The following PRKN variants were observed in gnomAD, a reference collection of about 807,000 sequenced individuals.
PRKN encodes the protein E3 ubiquitin-protein ligase parkin.
PRKN carries 56 observed loss-of-function variants against 59.5 expected under a neutral mutation model. The observed-to-expected ratio is 0.94, with a 90% CI of 0.76 to 1.18. The LOEUF is 1.18. Ranked by LOEUF, PRKN falls within the 50% of genes most tolerant of loss-of-function variation. The pLI is 0.00. For missense variants in PRKN, 657 were observed against 596.4 expected, an observed-to-expected ratio of 1.10 and a Z score of -1.06; for synonymous variants, 250 against 222.1, an observed-to-expected ratio of 1.13 and a Z score of -1.12.
chr6:162,709,896 T>C (rs753833008), intron 1 of PRKN, among the ~76,000 whole-genome samples: 4 of 62,138 alleles, frequency 6.4e-5, no homozygotes, highest in Admixed American at 5.0e-4. Flanking sequence ...AGGTGGACAG[T>C]GGGGTGTGGT....
intron 6 of PRKN, among the ~76,000 whole-genome samples, chr6:161,962,293 G>A (rs1780409769): frequency 6.6e-6 from 1 of 152,066 alleles, no homozygotes; most frequent in African/African-American, 2.4e-5. Flanking sequence ...GATATGAACT[G>A]GCACAAACAT....
At chr6:162,721,804 TA>T (rs1447704034) in intron 1 of PRKN, among the ~76,000 whole-genome samples, 1 of 152,098 alleles carries the variant, frequency 6.6e-6, no homozygotes, top group Non-Finnish European at 1.5e-5. Flanking sequence ...TGCCTCACAC[TA>T]AAAAGAGGGT....
At chr6:162,683,265 G>C (rs936232508) in intron 1 of PRKN, among the ~76,000 whole-genome samples, 3 of 152,096 alleles carry the variant, frequency 2.0e-5, no homozygotes, top group African/African-American at 7.2e-5. Flanking sequence ...TCAAACTTTA[G>C]TTCCTCAGTC....
At chr6:161,750,126 C>T (rs1198120400) in intron 7 of PRKN, among the ~76,000 whole-genome samples, 9 of 133,148 alleles carry the variant, frequency 6.8e-5, no homozygotes, top group South Asian at 5.1e-4. Context: ...TATACACACA[C>T]ACACACACAC....
rs1186399420 is a variant in PRKN, at chr6:161,734,001, CACACAT to C, written c.871+51765_871+51770del. Among the ~76,000 whole-genome samples, 374 of 84,134 alleles carry C rather than the reference CACACAT, an allele frequency of 4.4e-3. 7 individuals are homozygous for C. The highest frequency in any genetic ancestry group is 0.021 in the African/African-American group (312 of 15,020). The allele number at this position is 84,134 out of a possible 152,430, so 55.2% of individuals were successfully genotyped here. On this transcript the variant is annotated intron_variant, in intron 7 of 11. Transcript: ENST00000366898. ...ACACACACACACACACACACACACA[CACACAT>C]ATTTGCTAATGGAAAAAAGAACACA...
chr6:162,178,553 C>G (rs1783642620), intron 4 of PRKN, among the ~76,000 whole-genome samples: 1 of 152,190 alleles, frequency 6.6e-6, no homozygotes, highest in Non-Finnish European at 1.5e-5. Flanking sequence ...CCTCAAGTAC[C>G]TACTACCAAG....
chr6:161,426,616 A>T lies in PRKN; in HGVS notation c.1084-39739T>A, dbSNP rs376755154. Among the ~76,000 whole-genome samples, 18 of 137,948 alleles carry T rather than the reference A, an allele frequency of 1.3e-4. No homozygotes were observed. In the East Asian group the frequency reaches 2.5e-3, roughly 19 times the overall value. 90.5% of individuals were successfully genotyped at this position (137,948 alleles called of 152,430 possible). A position where few individuals can be genotyped will look rare whatever the true frequency, so the allele number is the denominator to read the frequency against. ...TATTGTGGGACCTTGTGATCATGTGAGTTAATACTACTTAATAAACTCCCC... is the reference window on the plus strand; with the variant it reads ...TATTGTGGGACCTTGTGATCATGTGTGTTAATACTACTTAATAAACTCCCC... On this transcript the variant is annotated intron_variant, in intron 9 of 11. Coordinates refer to ENST00000366898, the MANE Select transcript of PRKN (RefSeq NM_004562.3).
chr6:162,099,026 G>T (rs987510429), intron 4 of PRKN, among the ~76,000 whole-genome samples: 1 of 151,902 alleles, frequency 6.6e-6, no homozygotes, highest in Admixed American at 6.6e-5. Flanking sequence ...TTTAATAAAA[G>T]CTCTTTGTGC....
intron 4 of PRKN, among the ~76,000 whole-genome samples, chr6:162,112,763 A>AC (rs1349648955): frequency 6.7e-6 from 1 of 150,068 alleles, no homozygotes; most frequent in African/African-American, 2.5e-5. Flanking sequence ...ACATAGTGAG[A>AC]CCCCCATCTT....
chr6:162,010,327 A>G (rs1470964031), intron 5 of PRKN, among the ~76,000 whole-genome samples: 1 of 123,420 alleles, frequency 8.1e-6, no homozygotes, highest in East Asian at 2.2e-4. Context: ...TATATTTATA[A>G]TATATAATAT....
Position 162,010,801 on chromosome 6 carries a change from A to AG in PRKN, c.619-37385_619-37384insC, listed in dbSNP as rs1477474684. 2.0e-4 allele frequency among the ~76,000 whole-genome samples: 2 copies of AG among 9,836 alleles called. 1 individual carries two copies. The highest frequency in any genetic ancestry group is 2.6e-4 in the Non-Finnish European group (2 of 7,676). The allele number at this position is 9,836 out of a possible 152,430, so 6.5% of individuals were successfully genotyped here. On this transcript the variant is annotated intron_variant, in intron 5 of 11. Transcript: ENST00000366898. ...TATATTATATAATATATTATATAATATATATTATATAATGTATAATATATA... is the reference window on the plus strand; with the variant it reads ...TATATTATATAATATATTATATAATAGTATATTATATAATGTATAATATATA...
chr6:161,655,278 G>A (rs201615827), intron 7 of PRKN, among the ~76,000 whole-genome samples: 56 of 144,230 alleles, frequency 3.9e-4, no homozygotes, highest in Middle Eastern at 7.7e-3. Context: ...ATTAGCATGG[G>A]CCTGGCCCCT....
chr6:162,486,127 C>G (rs1256535784), intron 1 of PRKN, among the ~76,000 whole-genome samples: 1 of 152,124 alleles, frequency 6.6e-6, no homozygotes, highest in Non-Finnish European at 1.5e-5. Context: ...CCACCCAACC[C>G]CCTCCTAATT....
rs1016781602 is a variant in PRKN at position 161,554,462 on chromosome 6, T to G, written c.934-5459A>C. Among the ~76,000 whole-genome samples the G allele has an allele frequency of 1.3e-5, 2 of 151,320 alleles. No individual in the cohort carries two copies. Among genetic ancestry groups the G allele is most frequent in the African/African-American group, 4.9e-5 (2 of 41,150 alleles). ...CAGGCACAACCATCAGTACTTATGT[T>G]GATGGTTGATGTTTTCCCAGTAATT... is the stretch of plus-strand genomic sequence containing the variant. On this transcript the variant is annotated intron_variant, in intron 8 of 11. Coordinates refer to ENST00000366898, the MANE Select transcript of PRKN (RefSeq NM_004562.3). The surrounding 1 kb of genome is among the most constrained non-coding windows in gnomAD (Gnocchi z 4.5).
At chr6:162,138,007 G>A (rs928520009) in intron 4 of PRKN, among the ~76,000 whole-genome samples, 11 of 151,982 alleles carry the variant, frequency 7.2e-5, no homozygotes, top group African/African-American at 2.4e-4. Context: ...AGCAGAGGAA[G>A]GGAGACACCA....
chr6:162,613,778 G>A lies in PRKN; in HGVS notation c.7+113884C>T, dbSNP rs950739020. ...GATAAAATGCCTTACAGACTGAAAC[G>A]CAAGATGACCAAGCATGAAGATTTA... is the stretch of plus-strand genomic sequence containing the variant. On this transcript the variant is annotated intron_variant, in intron 1 of 11. Transcript: ENST00000366898. Among the ~76,000 whole-genome samples, 5 of 152,156 alleles carry A rather than the reference G, an allele frequency of 3.3e-5. No homozygotes were observed. The East Asian group carries it at 5.8e-4, about 18-fold the overall frequency.
intron 1 of PRKN, among the ~76,000 whole-genome samples, chr6:162,463,285 C>G (rs1176765448): frequency 6.6e-6 from 1 of 152,062 alleles, no homozygotes; most frequent in Non-Finnish European, 1.5e-5. Flanking sequence ...AAGATTATTC[C>G]AAGCACAAAG....
intron 7 of PRKN, among the ~76,000 whole-genome samples, chr6:161,785,023 G>A (rs998161429): frequency 4.6e-5 from 7 of 152,182 alleles, no homozygotes; most frequent in African/African-American, 1.7e-4. Flanking sequence ...GTCACCTATT[G>A]TACGATTTCT....
intron 7 of PRKN, among the ~76,000 whole-genome samples, chr6:161,591,560 G>C (rs1781726723): frequency 6.6e-6 from 1 of 152,144 alleles, no homozygotes; most frequent in African/African-American, 2.4e-5. Flanking sequence ...TTACAGCTGA[G>C]AAAATTTGAG....
Sources: allele counts gnomAD v4.1 joint callset (sites outside exome capture counted in the v4.1 genomes callset), GRCh38; gene constraint gnomAD v4.1.1; non-coding constraint Gnocchi (gnomAD v3.1); transcripts MANE v1.5; gene names NCBI Gene and HGNC (gene_info 2026-07-23, HGNC 2026-07-21).